MITF: variants seen among roughly 807,000 people sequenced by gnomAD.
MITF encodes the protein melanocyte inducing transcription factor, also known as microphthalmia-associated transcription factor.
In MITF, 17 loss-of-function variants were observed where a neutral mutation model predicts 60.5. The ratio of observed to expected loss-of-function variants is 0.28; its 90% CI spans 0.19 to 0.42. The LOEUF (loss-of-function observed/expected upper bound fraction) is 0.42, where lower values mean the gene tolerates loss of function less well. Among genes scored for constraint, MITF ranks in the 10% least tolerant of loss-of-function variants. The pLI is 1.00. For synonymous variants in MITF, 260 were observed against 248.5 expected (o/e 1.05, Z -0.43); for missense variants, 622 against 683.5 (o/e 0.91, Z 1.00).
intron 1 of MITF, among the ~76,000 whole-genome samples, chr3:69,793,493 G>GATGCTCATAGCATGCACCCTCTACCA (rs2062776166): frequency 7.6e-6 from 1 of 131,708 alleles, no homozygotes; most frequent in Non-Finnish European, 1.7e-5. Flanking sequence ...CTACCCATTA[G>GATGCTCATAGCATGCACCCTCTACCA]ATGCTCATAG....
intron 1 of MITF, among the ~76,000 whole-genome samples, chr3:69,809,723 G>A (rs943449470): frequency 2.0e-5 from 3 of 151,418 alleles, no homozygotes; most frequent in Non-Finnish European, 4.4e-5. Context: ...CAAGTAATGA[G>A]ATGTTGTTGT....
chr3:69,937,365 GGTGTGTGTGT>G (rs56689910), intron 2 of MITF, among the ~76,000 whole-genome samples: 86 of 142,202 alleles, frequency 6.0e-4, no homozygotes, highest in Non-Finnish European at 6.7e-4. Flanking sequence ...TTCTTAAGGA[GGTGTGTGTGT>G]GTGTGTGTGT....
At chr3:69,763,570 A>G (rs567085781) in intron 1 of MITF, 3 of 1,169,680 alleles carry the variant, frequency 2.6e-6, no homozygotes, top group South Asian at 2.2e-5. Context: ...TAGCCTTCCT[A>G]GTGTTGAGAG....
intron 7 of MITF, among the ~76,000 whole-genome samples, chr3:69,952,904 G>A (rs933155317): frequency 2.6e-5 from 4 of 152,082 alleles, no homozygotes; most frequent in African/African-American, 9.7e-5. Context: ...TTTATAGTGT[G>A]ACTGTATGAT....
intron 5 of MITF, among the ~76,000 whole-genome samples, chr3:69,943,811 G>A (rs1443369520): frequency 6.6e-6 from 1 of 152,048 alleles, no homozygotes; most frequent in African/African-American, 2.4e-5. Context: ...TGAATACTTG[G>A]CTGGGTCCAT....
At chr3:69,817,922 C>T (rs1047265500) in intron 1 of MITF, among the ~76,000 whole-genome samples, 3 of 152,080 alleles carry the variant, frequency 2.0e-5, no homozygotes, top group Non-Finnish European at 4.4e-5. Flanking sequence ...TACTCTGGGA[C>T]AACCTCAGAA....
chr3:69,853,589 A>G (rs1044602377), intron 1 of MITF, among the ~76,000 whole-genome samples: 2 of 152,160 alleles, frequency 1.3e-5, no homozygotes, highest in Non-Finnish European at 2.9e-5. Context: ...TCTTTGAGGC[A>G]TTCTCCTCTT....
chr3:69,886,208 C>A (rs550056840), intron 2 of MITF, among the ~76,000 whole-genome samples: 24 of 152,198 alleles, frequency 1.6e-4, no homozygotes, highest in African/African-American at 5.8e-4. Context: ...ATGTTTACTA[C>A]AGAGCTTCAA....
At chr3:69,916,213 A>G (rs2065330910) in intron 2 of MITF, among the ~76,000 whole-genome samples, 1 of 152,144 alleles carries the variant, frequency 6.6e-6, no homozygotes, top group Admixed American at 6.5e-5. Context: ...TTATGTTGCT[A>G]TATACACATA....
At chr3:69,753,868 A>G (rs1472493847) in intron 1 of MITF, among the ~76,000 whole-genome samples, 2 of 152,202 alleles carry the variant, frequency 1.3e-5, no homozygotes, top group Non-Finnish European at 2.9e-5. Context: ...GCTCATAGGC[A>G]GAAGGGACTA....
intron 1 of MITF, among the ~76,000 whole-genome samples, chr3:69,780,419 G>T (rs1488126946): frequency 6.6e-6 from 1 of 152,186 alleles, no homozygotes; most frequent in Non-Finnish European, 1.5e-5. Context: ...GATTCACCCT[G>T]TGGGTTCTTT....
At chr3:69,843,375 C>G (rs1335363549) in intron 1 of MITF, among the ~76,000 whole-genome samples, 2 of 152,182 alleles carry the variant, frequency 1.3e-5, no homozygotes, top group African/African-American at 4.8e-5. Flanking sequence ...CAGAAATAAT[C>G]TAGGCCAGCA....
intron 1 of MITF, among the ~76,000 whole-genome samples, chr3:69,755,511 A>G (rs1704111897): frequency 2.6e-5 from 3 of 114,978 alleles, no homozygotes; most frequent in African/African-American, 6.9e-5. Flanking sequence ...ACTAGGATAT[A>G]AGTTTTCAAG....
At chr3:69,799,648 CTT>C (rs2062885772) in intron 1 of MITF, among the ~76,000 whole-genome samples, 2 of 151,350 alleles carry the variant, frequency 1.3e-5, no homozygotes, top group African/African-American at 4.9e-5. Context: ...TTCACACTGT[CTT>C]ATTTCTTTGG....
intron 2 of MITF, among the ~76,000 whole-genome samples, chr3:69,912,843 C>T (rs1008878532): frequency 1.3e-5 from 2 of 152,136 alleles, no homozygotes; most frequent in African/African-American, 4.8e-5. Context: ...TCAAAGACCC[C>T]ACACTCCAGA....
At chr3:69,917,342 A>AATATGATG (rs772236053) in intron 2 of MITF, among the ~76,000 whole-genome samples, 14 of 151,428 alleles carry the variant, frequency 9.2e-5, no homozygotes, top group Non-Finnish European at 1.6e-4. Flanking sequence ...GAAATATGAA[A>AATATGATG]ATATGATGAT....
intron 2 of MITF, among the ~76,000 whole-genome samples, chr3:69,894,927 G>A (rs913927555): frequency 6.6e-6 from 1 of 152,078 alleles, no homozygotes; most frequent in Non-Finnish European, 1.5e-5. Context: ...GTCTTGCAAA[G>A]TTCACTACTT....
intron 1 of MITF, chr3:69,758,760 A>G (rs2106794380): frequency 4.8e-6 from 1 of 207,332 alleles, no homozygotes. Flanking sequence ...AGAAGGGGTC[A>G]GTAAATTTTG....
At chr3:69,891,865 A>G (rs1159876861) in intron 2 of MITF, among the ~76,000 whole-genome samples, 1 of 152,210 alleles carries the variant, frequency 6.6e-6, no homozygotes, top group Non-Finnish European at 1.5e-5. Context: ...TATCTTGTAC[A>G]TGTGGTACAT....
Sources: gnomAD v4.1 joint callset for allele counts (sites outside exome capture counted in the v4.1 genomes callset) on GRCh38, gnomAD v4.1.1 for gene constraint, MANE v1.5 for transcripts, NCBI Gene and HGNC (gene_info 2026-07-23, HGNC 2026-07-21) for gene names.